The following SLC7A9 variants were observed in gnomAD, a reference collection of about 807,000 sequenced individuals.
SLC7A9 encodes the protein B(0,+)-type amino acid transporter 1.
SLC7A9 carries 38 observed loss-of-function variants against 54.1 expected under a neutral mutation model. That is an observed-to-expected ratio of 0.70 (90% CI 0.54 to 0.92). The LOEUF (loss-of-function observed/expected upper bound fraction) is 0.92. SLC7A9 is among the 40% of genes least tolerant of loss of function. SLC7A9 has a pLI of 0.00. For synonymous variants in SLC7A9, 264 were observed against 258.9 expected, an observed-to-expected ratio of 1.02 and a Z score of -0.19; for missense variants, 537 against 636.1, an observed-to-expected ratio of 0.84 and a Z score of 1.68.
intron 2 of SLC7A9, among the ~76,000 whole-genome samples, chr19:32,865,728 T>C (rs1437659779): frequency 6.6e-6 from 1 of 152,056 alleles, no homozygotes; most frequent in African/African-American, 2.4e-5. Context: ...CCCAGCACTT[T>C]GGGAGGCCGA....
intron 9 of SLC7A9, among the ~76,000 whole-genome samples, chr19:32,856,371 A>T (rs77816491): frequency 0.12 from 18,088 of 151,640 alleles, 1,096 homozygotes; most frequent in Middle Eastern, 0.18. Context: ...ATTTTTGGTA[A>T]TTTTAGTAGA....
chr19:32,858,279 G>A (rs1450583821), intron 9 of SLC7A9, among the ~76,000 whole-genome samples, 161 bp downstream of exon 9: 1 of 152,076 alleles, frequency 6.6e-6, no homozygotes, highest in South Asian at 2.1e-4. Context: ...TTGCGGTGTG[G>A]GTTCAAGCTA....
At chr19:32,839,264 C>T (rs1968060639) in intron 11 of SLC7A9, among the ~76,000 whole-genome samples, 2 of 152,024 alleles carry the variant, frequency 1.3e-5, no homozygotes, top group African/African-American at 2.4e-5. Context: ...CTCAAGGTCT[C>T]ATGTAATTGG....
chr19:32,838,599 T>C (rs1193778061), intron 11 of SLC7A9, among the ~76,000 whole-genome samples: 1 of 148,192 alleles, frequency 6.7e-6, no homozygotes, highest in Non-Finnish European at 1.5e-5. Flanking sequence ...AAACGTATAT[T>C]ATACATATAC....
intron 4 of SLC7A9, 55 bp from the exon 5 acceptor site, chr19:32,862,641 G>C: frequency 6.5e-7 from 1 of 1,548,788 alleles, no homozygotes; most frequent in South Asian, 1.2e-5. Flanking sequence ...GCCCTGGAGA[G>C]AGTCTCCTTT....
chr19:32,864,526 T>C, intron 3 of SLC7A9, 103 bp downstream of exon 3: 2 of 1,548,164 alleles, frequency 1.3e-6, no homozygotes, highest in East Asian at 4.5e-5. Context: ...GCCATACATG[T>C]GCCAAGAGGG....
At chr19:32,868,353 C>T (rs1415511257) in intron 2 of SLC7A9, 95 bp downstream of exon 2, 1 of 835,136 alleles carries the variant, frequency 1.2e-6, no homozygotes, top group Non-Finnish European at 2.1e-6. Context: ...TCTGCCGTGT[C>T]ACTAGGGATC....
At chr19:32,865,239 T>C (rs148188286) in intron 2 of SLC7A9, among the ~76,000 whole-genome samples, 1,720 of 152,308 alleles carry the variant, frequency 0.011, 36 homozygotes, top group African/African-American at 0.039. Context: ...AACGGAGGCC[T>C]CCCAGAAACA....
intron 9 of SLC7A9, among the ~76,000 whole-genome samples, chr19:32,857,451 A>AT (rs2145835046): frequency 6.6e-6 from 1 of 151,276 alleles, no homozygotes; most frequent in African/African-American, 2.4e-5. Flanking sequence ...CTCAAAATTA[A>AT]TTAGTTAATT....
At chr19:32,851,129 C>A (rs1210516009) in intron 9 of SLC7A9, among the ~76,000 whole-genome samples, 1 of 152,172 alleles carries the variant, frequency 6.6e-6, no homozygotes, top group Non-Finnish European at 1.5e-5. Context: ...GACTTAATGT[C>A]TAAAACACCA....
chr19:32,830,561 C>A lies in SLC7A9; in HGVS notation c.*59G>T. The A allele has an allele frequency of 7.7e-7, 1 of 1,295,968 alleles. No individual in the cohort carries two copies. The highest frequency in any genetic ancestry group is 1.2e-5 in the South Asian group (1 of 84,694). The allele number at this position is 1,295,968 out of a possible 1,614,324, so 80.3% of individuals were successfully genotyped here. A position where few individuals can be genotyped will look rare whatever the true frequency, so the allele number is the denominator to read the frequency against. ...TCGTAAGAAAAAAAGGAAGAAATAA[C>A]CACAAATATTGCTTAAGAAAATAAA... On this transcript the variant is annotated 3_prime_UTR_variant, in exon 13 of 13. Coordinates refer to ENST00000023064, the MANE Select transcript of SLC7A9 (RefSeq NM_014270.5).
Position 32,864,183 on chromosome 19 carries a change from T to G in SLC7A9, c.391A>C (p.Ser131Arg). 6 of 1,614,188 alleles carry G rather than the reference T, an allele frequency of 3.7e-6. No homozygotes were observed. The highest frequency in any genetic ancestry group is 5.1e-6 in the Non-Finnish European group (6 of 1,180,020). ...GGCGCACACACATACTCGGAGAAGC[T>G]GAGGCAGATGATGGCGAAGGACGTG... ...KPTSFAIICL[S>R]FSEYVCAPFY... is the part of the protein sequence containing the mutation. Residue 131 changes from serine (S) to arginine (R), a missense_variant, in exon 4 of 13, where the codon AGC becomes CGC. By Grantham distance (110) the Ser-to-Arg change is moderately radical (BLOSUM62 -1). Coordinates refer to ENST00000023064, the MANE Select transcript of SLC7A9 (RefSeq NM_014270.5).
intron 11 of SLC7A9, among the ~76,000 whole-genome samples, chr19:32,833,918 T>C (rs1050898141): frequency 6.6e-6 from 1 of 152,216 alleles, no homozygotes; most frequent in Non-Finnish European, 1.5e-5. Context: ...AATTTCTTCC[T>C]CAATTATCTG....
At chr19:32,867,849 GA>G (rs1279444867) in intron 2 of SLC7A9, among the ~76,000 whole-genome samples, 1 of 143,002 alleles carries the variant, frequency 7.0e-6, no homozygotes, top group Non-Finnish European at 1.5e-5. Flanking sequence ...GGAGCTGCTT[GA>G]ACCCAGGAAG....
At chr19:32,865,834 T>A (rs1306919308) in intron 2 of SLC7A9, among the ~76,000 whole-genome samples, 1 of 151,938 alleles carries the variant, frequency 6.6e-6, no homozygotes. Flanking sequence ...CAGCCAGGCA[T>A]TTTGGTGCAC....
intron 9 of SLC7A9, among the ~76,000 whole-genome samples, chr19:32,847,691 C>G (rs1459226818): frequency 6.6e-6 from 1 of 152,092 alleles, no homozygotes; most frequent in African/African-American, 2.4e-5. Context: ...GAGAATGCCA[C>G]AAAGATACTC....
At chr19:32,837,749 A>G (rs1359115379) in intron 11 of SLC7A9, among the ~76,000 whole-genome samples, 1 of 152,124 alleles carries the variant, frequency 6.6e-6, no homozygotes, top group Non-Finnish European at 1.5e-5. Flanking sequence ...CAGTACGCCT[A>G]CACGTGATTT....
At chr19:32,860,309 C>T in intron 7 of SLC7A9, 1 of 1,390,706 alleles carries the variant, frequency 7.2e-7, no homozygotes, top group Non-Finnish European at 9.3e-7. Context: ...GTAATCCCAG[C>T]ACTTTGGGAG....
At chr19:32,844,746 G>A (rs553064956) in intron 9 of SLC7A9, among the ~76,000 whole-genome samples, 185 of 150,466 alleles carry the variant, frequency 1.2e-3, no homozygotes, top group Non-Finnish European at 1.8e-3. Context: ...CAGGAGAATC[G>A]CTGGAACCTG....
Sources: gnomAD v4.1 joint callset for allele counts (sites outside exome capture counted in the v4.1 genomes callset) on GRCh38, gnomAD v4.1.1 for gene constraint, MANE v1.5 for transcripts, NCBI Gene and HGNC (gene_info 2026-07-23, HGNC 2026-07-21) for gene names.